The following SLC43A2 variants were observed in gnomAD, a reference collection of about 807,000 sequenced individuals.
SLC43A2 encodes the protein large neutral amino acids transporter small subunit 4.
A neutral mutation model predicts 63.2 loss-of-function variants in SLC43A2; 38 were observed. That is an observed-to-expected ratio of 0.60 (90% CI 0.46 to 0.79). SLC43A2 has a LOEUF of 0.79. Ranked by LOEUF, SLC43A2 falls within the 30% of genes least tolerant of loss-of-function variation. The pLI is 0.00. For missense variants in SLC43A2, 644 were observed against 756.2 expected, an observed-to-expected ratio of 0.85 and a Z score of 1.74; for synonymous variants, 322 against 331.0, an observed-to-expected ratio of 0.97 and a Z score of 0.30.
At chr17:1,604,533 G>T (rs1003373000) in intron 5 of SLC43A2, 2 of 617,162 alleles carry the variant, frequency 3.2e-6, no homozygotes, top group African/African-American at 1.8e-5. Context: ...CCCCCCGGAG[G>T]TCACCACACT....
Position 1,591,280 on chromosome 17 carries a change from G to T in SLC43A2, c.920C>A (p.Pro307Gln), listed in dbSNP as rs532849533. Reference protein sequence around the residue: ...STVDLEVKCQPDAAVAPSFMH... With the variant: ...STVDLEVKCQQDAAVAPSFMH... ...TCTCAGGCGGGTACCTGCGGCATCC[G>T]GCTGGCACTTCACCTCCAGGTCGAC... is the stretch of plus-strand genomic sequence containing the variant. Residue 307 changes from proline to glutamine, a missense_variant, in exon 8 of 14, where the codon CCG becomes CAG. Pro to Gln is a moderately conservative substitution (Grantham distance 76, BLOSUM62 -1). This residue lies in a region of SLC43A2 where 528 missense variants were observed against 623.6 expected (regional missense o/e 0.85). Coordinates refer to ENST00000301335, the MANE Select transcript of SLC43A2 (RefSeq NM_152346.3). 4 of 1,604,318 alleles carry T rather than the reference G, an allele frequency of 2.5e-6. No homozygotes were observed. The highest frequency in any genetic ancestry group is 1.1e-5 in the South Asian group (1 of 91,060).
At position 1,583,341 on chromosome 17, in the gene SLC43A2, G is replaced by A. The variant is rs763110138; in HGVS notation, c.1218-5C>T. ...TTCTTCTTTTTCTTCTCGCCTCTGT[G>A]GAGACACAGAACGTGCAGGGGTGGG... On this transcript the variant is annotated splice_region_variant and splice_polypyrimidine_tract_variant and intron_variant, in intron 10 of 13. Transcript: ENST00000301335. The surrounding 1 kb of genome is among the most constrained non-coding windows in gnomAD (Gnocchi z 5.5). The A allele has an allele frequency of 2.1e-5, 34 of 1,613,926 alleles. No homozygotes were observed. Among genetic ancestry groups the A allele is most frequent in the African/African-American group, 2.7e-5 (2 of 74,934 alleles).
chr17:1,618,275 C>A lies in SLC43A2; in HGVS notation c.161-1506G>T, dbSNP rs80038543. 6.9e-3 allele frequency among the ~76,000 whole-genome samples: 1,045 copies of A among 152,342 alleles called. 17 individuals are homozygous for A. Among genetic ancestry groups the A allele is most frequent in the African/African-American group, 0.023 (974 of 41,574 alleles). On this transcript the variant is annotated intron_variant, in intron 2 of 13. Transcript: ENST00000301335. The stretch of plus-strand genomic sequence containing the variant: ...GATTCTCCACTTTCTACCTGCATGA[C>A]CTTGCTCTAGCTCAGTTTCCTTGTC...
At chr17:1,626,025 AAAAC>A (rs1273203930) in intron 2 of SLC43A2, among the ~76,000 whole-genome samples, 8 of 151,694 alleles carry the variant, frequency 5.3e-5, no homozygotes, top group Non-Finnish European at 8.8e-5. Context: ...CAAAAAACAA[AAAAC>A]AAACAAAAAA....
intron 2 of SLC43A2, among the ~76,000 whole-genome samples, chr17:1,621,565 C>T (rs925734637): frequency 6.6e-6 from 1 of 152,224 alleles, no homozygotes; most frequent in Admixed American, 6.5e-5. Context: ...AGGCAGAGGC[C>T]GTCCTGGGCT....
At chr17:1,589,904 C>T (rs1904589053) in intron 9 of SLC43A2, among the ~76,000 whole-genome samples, 1 of 152,216 alleles carries the variant, frequency 6.6e-6, no homozygotes, top group East Asian at 1.9e-4. Flanking sequence ...CAGGCGTGAG[C>T]CACCGTGCCT....
intron 9 of SLC43A2, chr17:1,586,928 T>TGGGGGCCCCCCC: frequency 1.6e-6 from 2 of 1,232,908 alleles, no homozygotes; most frequent in Non-Finnish European, 2.2e-6. Flanking sequence ...TCCCTGACAA[T>TGGGGGCCCCCCC]CCCCCCCACC....
Position 1,585,727 on chromosome 17 carries a change from A to G in SLC43A2, c.1217+186T>C, listed in dbSNP as rs756702015. ...TTCCATTGCATTCCAAACAATTTCC[A>G]TAAAGAGGGGAGCAGTTGAAACGCA... On this transcript the variant is annotated intron_variant, in intron 10 of 13. Coordinates refer to ENST00000301335, the MANE Select transcript of SLC43A2 (RefSeq NM_152346.3). The G allele has an allele frequency of 7.8e-6, 12 of 1,544,648 alleles. No homozygotes were observed. In the South Asian group the frequency reaches 1.0e-4, roughly 13 times the overall value.
At chr17:1,612,936 C>G (rs113977091) in intron 5 of SLC43A2, among the ~76,000 whole-genome samples, 4 of 152,002 alleles carry the variant, frequency 2.6e-5, no homozygotes, top group Admixed American at 6.6e-5. Flanking sequence ...CCCCCCACTG[C>G]ACTCCAGCCT....
intron 2 of SLC43A2, among the ~76,000 whole-genome samples, chr17:1,623,682 G>A (rs1908373103): frequency 6.8e-6 from 1 of 146,994 alleles, no homozygotes; most frequent in South Asian, 2.2e-4. Flanking sequence ...CTCTCCTCCA[G>A]GGCGTATCCT....
At chr17:1,585,381 A>T in intron 10 of SLC43A2, 1 of 412,638 alleles carries the variant, frequency 2.4e-6, no homozygotes, top group Non-Finnish European at 3.7e-6. Context: ...AGCTGGGATT[A>T]CAGGCGCGCG....
rs1282917210 is a variant in SLC43A2, at chr17:1,578,402, G to C, written c.1351-79C>G. 7.2e-7 allele frequency: 1 copy of C among 1,381,360 alleles called. No individual in the cohort carries two copies. Among genetic ancestry groups the C allele is most frequent in the South Asian group, 1.2e-5 (1 of 81,532 alleles). 85.6% of individuals were successfully genotyped at this position (1,381,360 alleles called of 1,614,324 possible). ...AGCCCCCGCCCTCCAATTCCTGGGG[G>C]CCCTCACCCCAGGGGCAGTGTCAGC... is the stretch of plus-strand genomic sequence containing the variant. On this transcript the variant is annotated intron_variant, in intron 11 of 13. Coordinates refer to ENST00000301335, the MANE Select transcript of SLC43A2 (RefSeq NM_152346.3). This position sits in a 1 kb window ranked among gnomAD's most constrained non-coding sequence, Gnocchi z 6.5.
In SLC43A2 at chr17:1,606,717, G is replaced by C. The variant is rs1399147700; in HGVS notation, c.501+6478C>G. ...GAACAAACACTGAGCGTGCCGTCCA[G>C]ATGTCCCGGGGGAGGCTGAGGATCC... On this transcript the variant is annotated intron_variant, in intron 5 of 13. Coordinates refer to ENST00000301335, the MANE Select transcript of SLC43A2 (RefSeq NM_152346.3). The surrounding 1 kb of genome is among the most constrained non-coding windows in gnomAD (Gnocchi z 4.7). Among the ~76,000 whole-genome samples, 1 of 152,188 alleles carries C rather than the reference G, an allele frequency of 6.6e-6. No individual in the cohort carries two copies. The highest frequency in any genetic ancestry group is 1.9e-4 in the East Asian group (1 of 5,194).
intron 2 of SLC43A2, among the ~76,000 whole-genome samples, chr17:1,619,419 AGAGCCAC>A (rs1440633450): frequency 6.6e-6 from 1 of 152,252 alleles, no homozygotes; most frequent in Non-Finnish European, 1.5e-5. Context: ...TAAGGAGATC[AGAGCCAC>A]GAGGTTAACC....
intron 10 of SLC43A2, among the ~76,000 whole-genome samples, chr17:1,584,342 C>T (rs935321568): frequency 3.9e-5 from 6 of 152,102 alleles, no homozygotes; most frequent in African/African-American, 1.4e-4. Flanking sequence ...ACTGTGCGGC[C>T]CTAGGCAAAC....
At position 1,583,531 on chromosome 17, in the gene SLC43A2, A is replaced by G; in HGVS notation, c.1218-195T>C. 1.2e-6 allele frequency: 1 copy of G among 865,700 alleles called. No individual in the cohort carries two copies. Among genetic ancestry groups the G allele is most frequent in the East Asian group, 2.7e-5 (1 of 36,660 alleles). The allele number at this position is 865,700 out of a possible 1,614,324, so 53.6% of individuals were successfully genotyped here. On this transcript the variant is annotated intron_variant, in intron 10 of 13. Coordinates refer to ENST00000301335, the MANE Select transcript of SLC43A2 (RefSeq NM_152346.3). The surrounding 1 kb of genome is among the most constrained non-coding windows in gnomAD (Gnocchi z 5.5). The stretch of plus-strand genomic sequence containing the variant: ...CCCGGCCCTTCTCAGTGGCAAGCTG[A>G]GTGTGACTCTCGGAGGGGGTCTCGG...
intron 4 of SLC43A2, among the ~76,000 whole-genome samples, chr17:1,614,073 C>A (rs1185440104): frequency 1.3e-5 from 2 of 152,066 alleles, no homozygotes; most frequent in Non-Finnish European, 2.9e-5. Context: ...GAAACCCCAT[C>A]TCTAATAAAA....
At chr17:1,585,062 T>C (rs1484238359) in intron 10 of SLC43A2, among the ~76,000 whole-genome samples, 1 of 151,072 alleles carries the variant, frequency 6.6e-6, no homozygotes, top group Non-Finnish European at 1.5e-5. Context: ...AAAGTCACCA[T>C]CTGAGCCGGG....
At chr17:1,604,954 G>T (rs1488593013) in intron 5 of SLC43A2, 2 of 1,499,138 alleles carry the variant, frequency 1.3e-6, no homozygotes, top group Non-Finnish European at 1.8e-6. Context: ...TGAGGGCTGA[G>T]CGCTGAGCAG....
Sources: allele counts gnomAD v4.1 joint callset (sites outside exome capture counted in the v4.1 genomes callset), GRCh38; gene constraint gnomAD v4.1.1; regional missense constraint gnomAD v4.1.1; non-coding constraint Gnocchi (gnomAD v3.1); transcripts MANE v1.5; gene names NCBI Gene and HGNC (gene_info 2026-07-23, HGNC 2026-07-21).